Variants in KCNQ3 observed in about 807,000 individuals in gnomAD.
KCNQ3 encodes potassium voltage-gated channel subfamily KQT member 3.
In KCNQ3, 30 loss-of-function variants were observed where a neutral mutation model predicts 92.5. That is an observed-to-expected ratio of 0.32 (90% CI 0.24 to 0.44). KCNQ3 has a LOEUF of 0.44. KCNQ3 is among the 20% of genes least tolerant of loss of function. The pLI is 1.00. For synonymous variants in KCNQ3, 450 were observed against 468.8 expected (o/e 0.96, Z 0.52); for missense variants, 913 against 1,140.3 (o/e 0.80, Z 2.87).
intron 1 of KCNQ3, among the ~76,000 whole-genome samples, chr8:132,373,657 A>G (rs945048245): frequency 6.6e-6 from 1 of 152,112 alleles, no homozygotes; most frequent in African/African-American, 2.4e-5. Flanking sequence ...CCCAATGTCA[A>G]TTCTGCCCCT....
chr8:132,432,240 G>A (rs889769903), intron 1 of KCNQ3, among the ~76,000 whole-genome samples: 6 of 152,126 alleles, frequency 3.9e-5, no homozygotes, highest in South Asian at 2.1e-4. Context: ...TTTGCAGAGT[G>A]AATTGGAATC....
intron 1 of KCNQ3, among the ~76,000 whole-genome samples, chr8:132,422,374 TCCCC>T (rs1357912299): frequency 6.6e-6 from 1 of 152,108 alleles, no homozygotes; most frequent in Non-Finnish European, 1.5e-5. Context: ...CTGACCTGGT[TCCCC>T]ACTAAGACTC....
At chr8:132,205,289 C>A (rs1003518923) in intron 1 of KCNQ3, among the ~76,000 whole-genome samples, 2 of 152,194 alleles carry the variant, frequency 1.3e-5, no homozygotes, top group East Asian at 3.9e-4. Flanking sequence ...GTGGGAGAAA[C>A]AAAAGTGTTA....
intron 1 of KCNQ3, among the ~76,000 whole-genome samples, chr8:132,402,055 C>T (rs1425232458): frequency 6.6e-6 from 1 of 152,196 alleles, no homozygotes; most frequent in Non-Finnish European, 1.5e-5. Flanking sequence ...CAAGGGTGTG[C>T]ATGTGCCTGT....
chr8:132,334,266 A>G (rs907721761), intron 1 of KCNQ3, among the ~76,000 whole-genome samples: 1 of 151,860 alleles, frequency 6.6e-6, no homozygotes, highest in African/African-American at 2.4e-5. Flanking sequence ...TGAGGTCAGG[A>G]GTTCGAGACC....
chr8:132,139,508 C>G (rs181573730), intron 11 of KCNQ3, among the ~76,000 whole-genome samples: 208 of 152,334 alleles, frequency 1.4e-3, no homozygotes, highest in African/African-American at 4.9e-3. Flanking sequence ...TCACTGCTAC[C>G]TTTATGAAGT....
At chr8:132,344,195 A>C (rs1818614924) in intron 1 of KCNQ3, among the ~76,000 whole-genome samples, 1 of 152,252 alleles carries the variant, frequency 6.6e-6, no homozygotes, top group South Asian at 2.1e-4. Flanking sequence ...AAATCTCCAC[A>C]ACTTACAGAG....
At chr8:132,137,839 T>C (rs761577218) in intron 12 of KCNQ3, 46 bp downstream of exon 12, 12 of 1,609,826 alleles carry the variant, frequency 7.5e-6, no homozygotes, top group Admixed American at 1.7e-5. Context: ...CTAAGGTTCA[T>C]AGGGCTTTGA....
chr8:132,189,321 A>C (rs552462925), intron 1 of KCNQ3, among the ~76,000 whole-genome samples: 2 of 151,956 alleles, frequency 1.3e-5, no homozygotes, highest in Non-Finnish European at 2.9e-5. Flanking sequence ...ACCCTGATTC[A>C]CTTCTACTCC....
chr8:132,242,371 C>A (rs1326885664), intron 1 of KCNQ3, among the ~76,000 whole-genome samples: 1 of 152,112 alleles, frequency 6.6e-6, no homozygotes, highest in Non-Finnish European at 1.5e-5. Context: ...TGCTGGCAAC[C>A]TTCATACCTT....
At chr8:132,353,633 G>C (rs560913877) in intron 1 of KCNQ3, among the ~76,000 whole-genome samples, 123 of 152,236 alleles carry the variant, frequency 8.1e-4, no homozygotes, top group Non-Finnish European at 1.6e-3. Flanking sequence ...GGCCAACATA[G>C]TGAAACCCTG....
chr8:132,280,676 G>A (rs1175171471), intron 1 of KCNQ3, among the ~76,000 whole-genome samples: 1 of 152,174 alleles, frequency 6.6e-6, no homozygotes, highest in Non-Finnish European at 1.5e-5. Flanking sequence ...CATTTAAGCT[G>A]AGAGATGAGG....
intron 1 of KCNQ3, among the ~76,000 whole-genome samples, chr8:132,371,503 A>T (rs1215722034): frequency 6.6e-6 from 1 of 152,218 alleles, no homozygotes; most frequent in Admixed American, 6.5e-5. Flanking sequence ...CAAGGATGAG[A>T]TGGAAATGAC....
At chr8:132,469,646 A>G (rs959586545) in intron 1 of KCNQ3, among the ~76,000 whole-genome samples, 2 of 152,016 alleles carry the variant, frequency 1.3e-5, no homozygotes. Flanking sequence ...AGATGAAACA[A>G]ATCTTGTTTG....
At chr8:132,391,743 C>A (rs137981669) in intron 1 of KCNQ3, among the ~76,000 whole-genome samples, 38 of 152,278 alleles carry the variant, frequency 2.5e-4, no homozygotes, top group Middle Eastern at 3.4e-3. Context: ...CTTTCTAACC[C>A]CCTCAGGACA....
intron 9 of KCNQ3, among the ~76,000 whole-genome samples, chr8:132,160,639 T>C (rs1376590749): frequency 6.7e-6 from 1 of 149,322 alleles, no homozygotes; most frequent in Non-Finnish European, 1.5e-5. Context: ...ATCAGTTTAT[T>C]GAAAAGAACT....
chr8:132,149,255 C>G (rs1245110264), intron 9 of KCNQ3, among the ~76,000 whole-genome samples: 11 of 152,182 alleles, frequency 7.2e-5, no homozygotes, highest in Non-Finnish European at 1.5e-5. Flanking sequence ...AGGGTGGGGC[C>G]GCAAAAAGTT....
intron 1 of KCNQ3, among the ~76,000 whole-genome samples, chr8:132,477,794 T>C (rs1822450247): frequency 6.6e-6 from 1 of 152,158 alleles, no homozygotes; most frequent in African/African-American, 2.4e-5. Context: ...GAATTACTCA[T>C]GGCCCTGCAT....
chr8:132,310,646 G>A (rs1817568862), intron 1 of KCNQ3, among the ~76,000 whole-genome samples: 1 of 152,210 alleles, frequency 6.6e-6, no homozygotes, highest in Admixed American at 6.5e-5. Flanking sequence ...TGGCACCACA[G>A]GTGACTGGAC....
Sources: gnomAD v4.1 joint callset for allele counts (sites outside exome capture counted in the v4.1 genomes callset) on GRCh38, gnomAD v4.1.1 for gene constraint, MANE v1.5 for transcripts, NCBI Gene and HGNC (gene_info 2026-07-23, HGNC 2026-07-21) for gene names.